Variants in CAPN8 observed in about 807,000 individuals in gnomAD.
CAPN8 encodes calpain 8.
Under a neutral mutation model 80.9 loss-of-function variants are expected in CAPN8, and 87 were observed. That is an observed-to-expected ratio of 1.07 (90% CI 0.90 to 1.28). The LOEUF (loss-of-function observed/expected upper bound fraction) is 1.28. CAPN8 is among the 50% of genes most tolerant of loss of function. The pLI, the probability that CAPN8 is intolerant of heterozygous loss-of-function variation, is 0.00. For synonymous variants in CAPN8, 299 were observed against 273.8 expected, an observed-to-expected ratio of 1.09 and a Z score of -0.91; for missense variants, 757 against 702.0, an observed-to-expected ratio of 1.08 and a Z score of -0.89.
At position 223,633,141 on chromosome 1, in the gene CAPN8, C is replaced by A. The variant is rs942294560; in HGVS notation, c.308-4361G>T. On this transcript the variant is annotated intron_variant, in intron 2 of 20. Coordinates refer to ENST00000366872, the MANE Select transcript of CAPN8 (RefSeq NM_001143962.2). ...TTTCTTATTATAAAAGAAGAACTTG[C>A]CCCCTATTTATGCTTCTTGTAGCCC... is the stretch of plus-strand genomic sequence containing the variant. 3.3e-5 allele frequency among the ~76,000 whole-genome samples: 5 copies of A among 152,258 alleles called. No individual in the cohort carries two copies. In the Middle Eastern group the frequency reaches 0.017, roughly 518 times the overall value.
In CAPN8 at chr1:223,612,394, A is replaced by G. The variant is rs537971708; in HGVS notation, c.1312-137T>C. The stretch of plus-strand genomic sequence containing the variant: ...GAGGAGACATTTGTGCTAAAGTGAG[A>G]AGCCAGTCAGCATTTCTGAAACTGG... On this transcript the variant is annotated intron_variant, in intron 10 of 20. Coordinates refer to ENST00000366872, the MANE Select transcript of CAPN8 (RefSeq NM_001143962.2). 132 of 678,326 alleles carry G rather than the reference A, an allele frequency of 1.9e-4. No homozygotes were observed. In the African/African-American group the frequency reaches 2.3e-3, roughly 12 times the overall value. The allele number at this position is 678,326 out of a possible 1,614,324, so 42.0% of individuals were successfully genotyped here.
chr1:223,545,048 C>T, intron 17 of CAPN8, 183 bp downstream of exon 17: 2 of 1,380,138 alleles, frequency 1.4e-6, no homozygotes, highest in East Asian at 2.5e-5. Context: ...AACAGCAGGG[C>T]TTTCAGGGCA....
At chr1:223,629,195 A>ATAGT (rs1048327875) in intron 2 of CAPN8, among the ~76,000 whole-genome samples, 17 of 63,350 alleles carry the variant, frequency 2.7e-4, no homozygotes, top group African/African-American at 1.2e-3. Flanking sequence ...TGTACGTGTA[A>ATAGT]GAGTGTGTGT....
rs144598302 is a variant in CAPN8, at chr1:223,626,576, C to G, written c.729+413G>C. ...CCAGCCACAGCCTCTGGTTTCAGAA[C>G]TTGTCTTTTCTTCAGGGATCTCAAG... On this transcript the variant is annotated intron_variant, in intron 5 of 20. Coordinates refer to ENST00000366872, the MANE Select transcript of CAPN8 (RefSeq NM_001143962.2). 3.3e-3 allele frequency among the ~76,000 whole-genome samples: 502 copies of G among 152,284 alleles called. 3 individuals carry two copies. The highest frequency in any genetic ancestry group is 0.012 in the African/African-American group (486 of 41,568).
chr1:223,554,480 TG>T (rs1656862975), intron 13 of CAPN8, among the ~76,000 whole-genome samples: 1 of 152,032 alleles, frequency 6.6e-6, no homozygotes, highest in Admixed American at 6.6e-5. Flanking sequence ...ATTAGCTGGG[TG>T]TAGTGGTGCA....
At chr1:223,545,353 AT>A in intron 16 of CAPN8, 54 bp from the exon 17 acceptor site, 3 of 1,550,242 alleles carry the variant, frequency 1.9e-6, no homozygotes, top group Middle Eastern at 1.7e-4. Context: ...TGCCTTATAG[AT>A]TTCTTTCTCT....
Position 223,629,333 on chromosome 1 carries a change from CT to C in CAPN8, c.308-554del, listed in dbSNP as rs80079733. ...TTGTTTCAGAGTTCACCAGGAGAGCCTTGATGCCTTATTGCTTAAAGTTCCC... is the reference window on the plus strand; with the variant it reads ...TTGTTTCAGAGTTCACCAGGAGAGCCTGATGCCTTATTGCTTAAAGTTCCC... On this transcript the variant is annotated intron_variant, in intron 2 of 20. Transcript: ENST00000366872. Among the ~76,000 whole-genome samples the C allele has an allele frequency of 0.011, 1,679 of 152,024 alleles. 134 individuals carry two copies. In the East Asian group the frequency reaches 0.19, roughly 17 times the overall value.
intron 1 of CAPN8, among the ~76,000 whole-genome samples, chr1:223,661,930 G>A (rs1658655262): frequency 6.6e-6 from 1 of 152,062 alleles, no homozygotes; most frequent in African/African-American, 2.4e-5. Flanking sequence ...ACCAACAATG[G>A]ACAAATGAAT....
intron 2 of CAPN8, among the ~76,000 whole-genome samples, chr1:223,653,696 G>T (rs527365476): frequency 4.6e-5 from 7 of 152,092 alleles, no homozygotes; most frequent in Non-Finnish European, 1.0e-4. Flanking sequence ...CCTTGGTATC[G>T]GGAGGGCTTA....
chr1:223,610,769 C>T (rs564060766), intron 11 of CAPN8, among the ~76,000 whole-genome samples: 96 of 152,262 alleles, frequency 6.3e-4, no homozygotes, highest in African/African-American at 2.2e-3. Context: ...CTGGCCCCCA[C>T]ATCTGCCCTT....
At chr1:223,641,376 A>C (rs1658036011) in intron 2 of CAPN8, among the ~76,000 whole-genome samples, 1 of 151,976 alleles carries the variant, frequency 6.6e-6, no homozygotes, top group African/African-American at 2.4e-5. Context: ...TAAAAAAAAA[A>C]AAACTGTTTA....
chr1:223,657,347 G>GA (rs987910562), intron 1 of CAPN8, among the ~76,000 whole-genome samples: 1 of 151,908 alleles, frequency 6.6e-6, no homozygotes, highest in African/African-American at 2.4e-5. Context: ...AAAAGAAAGA[G>GA]AAAAAAATTT....
chr1:223,542,547 G>T (rs1284614098), intron 20 of CAPN8, among the ~76,000 whole-genome samples: 1 of 152,096 alleles, frequency 6.6e-6, no homozygotes, highest in African/African-American at 2.4e-5. Context: ...CAAGTCAAAG[G>T]CCAATGCCTC....
chr1:223,625,562 G>A (rs1657547398), intron 6 of CAPN8, among the ~76,000 whole-genome samples: 1 of 152,124 alleles, frequency 6.6e-6, no homozygotes, highest in Admixed American at 6.5e-5. Flanking sequence ...CTCCCAAAGT[G>A]CTGGGATTAC....
chr1:223,544,535 C>A (rs569356334), intron 18 of CAPN8, among the ~76,000 whole-genome samples: 1 of 152,290 alleles, frequency 6.6e-6, no homozygotes, highest in African/African-American at 2.4e-5. Flanking sequence ...ATTGCTGTCA[C>A]CTTCCCAGTA....
Position 223,619,468 on chromosome 1 carries a change from C to G in CAPN8, c.975-15G>C. The G allele has an allele frequency of 6.4e-7, 1 of 1,551,342 alleles. No individual in the cohort carries two copies. The highest frequency in any genetic ancestry group is 8.7e-7 in the Non-Finnish European group (1 of 1,146,934). On this transcript the variant is annotated splice_polypyrimidine_tract_variant and intron_variant, in intron 8 of 20. Transcript: ENST00000366872. ...AAAGTGACATCCTGGGGCAGAGGCA[C>G]CAGAGGGCTCTCAGTGAAGAGGGCT... is the stretch of plus-strand genomic sequence containing the variant.
intron 2 of CAPN8, among the ~76,000 whole-genome samples, chr1:223,631,598 GAATA>G (rs1399157761): frequency 1.3e-5 from 2 of 152,160 alleles, no homozygotes; most frequent in Admixed American, 1.3e-4. Context: ...GATGTTTGAT[GAATA>G]AAAACAAATA....
At chr1:223,618,415 C>A in intron 9 of CAPN8, 2 of 1,212,406 alleles carry the variant, frequency 1.6e-6, no homozygotes, top group Non-Finnish European at 2.3e-6. Flanking sequence ...GTCCCCATGA[C>A]ACGCATGCCC....
chr1:223,655,474 C>A (rs1276770915), intron 1 of CAPN8, among the ~76,000 whole-genome samples: 2 of 152,084 alleles, frequency 1.3e-5, no homozygotes, highest in African/African-American at 2.4e-5. Flanking sequence ...CCCTTTGAAC[C>A]ATGGCAGGCA....
Sources: allele counts gnomAD v4.1 joint callset (sites outside exome capture counted in the v4.1 genomes callset), GRCh38; gene constraint gnomAD v4.1.1; transcripts MANE v1.5; gene names NCBI Gene and HGNC (gene_info 2026-07-23, HGNC 2026-07-21).